The following ARID4B variants were observed in gnomAD, a reference collection of about 807,000 sequenced individuals.
ARID4B encodes the protein AT-rich interaction domain 4B.
In ARID4B, 26 loss-of-function variants were observed where a neutral mutation model predicts 147.5. The ratio of observed to expected loss-of-function variants is 0.18; its 90% confidence interval spans 0.13 to 0.24. The LOEUF (loss-of-function observed/expected upper bound fraction) is 0.24. Ranked by LOEUF, ARID4B falls within the 10% of genes least tolerant of loss-of-function variation. The pLI is 1.00. For missense variants in ARID4B, 1,179 were observed against 1,511.5 expected (o/e 0.78, Z 3.65); for synonymous variants, 512 against 507.9 (o/e 1.01, Z -0.11).
chr1:235,170,381 A>C (rs1040908227), intron 23 of ARID4B, among the ~76,000 whole-genome samples: 1 of 152,202 alleles, frequency 6.6e-6, no homozygotes, highest in Admixed American at 6.5e-5. Flanking sequence ...CAGGAATTTT[A>C]TCTCTAGAAT....
chr1:235,294,900 T>G (rs1440401251), intron 2 of ARID4B, among the ~76,000 whole-genome samples: 1 of 151,762 alleles, frequency 6.6e-6, no homozygotes, highest in Non-Finnish European at 1.5e-5. Flanking sequence ...CAGCACTCCT[T>G]AGAAACCAAA....
rs186886211 is a variant in ARID4B at position 235,178,402 on chromosome 1, A to G, written c.3335-489T>C. On this transcript the variant is annotated intron_variant, in intron 20 of 23. Transcript: ENST00000264183. ...AATTCATACTTGGTTCTTTTTTACC[A>G]ATTTATGTCAAGAATAACTAAGCTC... 7.0e-4 allele frequency among the ~76,000 whole-genome samples: 106 copies of G among 152,288 alleles called. No homozygotes were observed. In the South Asian group the frequency reaches 7.5e-3, roughly 11 times the overall value.
chr1:235,196,267 T>C (rs1665483343), intron 17 of ARID4B, 152 bp from the exon 18 acceptor site: 3 of 457,186 alleles, frequency 6.6e-6, no homozygotes, highest in Non-Finnish European at 1.1e-5. Flanking sequence ...AAGAGCAAGC[T>C]ACCAAGGCAC....
At chr1:235,236,705 G>GT (rs1335264818) in intron 8 of ARID4B, among the ~76,000 whole-genome samples, 1 of 149,650 alleles carries the variant, frequency 6.7e-6, no homozygotes, top group East Asian at 2.0e-4. Flanking sequence ...TAAAGATAGG[G>GT]TTTCACCATG....
intron 2 of ARID4B, among the ~76,000 whole-genome samples, chr1:235,288,513 T>C (rs1672128001): frequency 6.6e-6 from 1 of 152,242 alleles, no homozygotes; most frequent in Non-Finnish European, 1.5e-5. Context: ...TTTTCTTTCA[T>C]TCAAAAAATG....
intron 2 of ARID4B, among the ~76,000 whole-genome samples, chr1:235,293,770 C>T (rs192895418): frequency 6.6e-6 from 1 of 152,256 alleles, no homozygotes; most frequent in African/African-American, 2.4e-5. Flanking sequence ...TACTTAAGAG[C>T]TGATTCTAAC....
At chr1:235,190,797 A>G (rs76706507) in intron 19 of ARID4B, among the ~76,000 whole-genome samples, 5,937 of 152,244 alleles carry the variant, frequency 0.039, 431 homozygotes, top group African/African-American at 0.14. Context: ...TGCCAAAAAC[A>G]AAGAAATCCA....
At chr1:235,184,186 G>A (rs1664514289) in intron 19 of ARID4B, among the ~76,000 whole-genome samples, 1 of 152,106 alleles carries the variant, frequency 6.6e-6, no homozygotes, top group African/African-American at 2.4e-5. Flanking sequence ...GATAACTTAT[G>A]TAAAATTAAT....
chr1:235,268,182 C>A (rs1001874710), intron 2 of ARID4B, among the ~76,000 whole-genome samples: 1 of 151,862 alleles, frequency 6.6e-6, no homozygotes, highest in Non-Finnish European at 1.5e-5. Context: ...ATTACCCGGA[C>A]CAAATAAGTA....
intron 2 of ARID4B, among the ~76,000 whole-genome samples, chr1:235,301,534 C>CTTT (rs567369149): frequency 6.0e-5 from 6 of 99,812 alleles, no homozygotes; most frequent in Non-Finnish European, 9.7e-5. Flanking sequence ...GACCCTATTT[C>CTTT]TTTTTTTTTT....
intron 20 of ARID4B, chr1:235,180,137 C>CTTTTTTTTTTTTTTTTTTTTTTT (rs1166842959): frequency 2.0e-5 from 2 of 98,540 alleles, no homozygotes; most frequent in Non-Finnish European, 3.9e-5. Context: ...CTTGTTTTTT[C>CTTTTTTTTTTTTTTTTTTTTTTT]TTTTTTTTTT....
chr1:235,185,486 T>G (rs1177919243), intron 19 of ARID4B, among the ~76,000 whole-genome samples: 1 of 152,222 alleles, frequency 6.6e-6, no homozygotes. Flanking sequence ...GGTATCTCTC[T>G]GGGTCTGCTC....
chr1:235,206,690 TGATAAGGTAC>T (rs1666327307), intron 17 of ARID4B, among the ~76,000 whole-genome samples: 1 of 152,152 alleles, frequency 6.6e-6, no homozygotes, highest in East Asian at 1.9e-4. Flanking sequence ...GTAAAGCCAC[TGATAAGGTAC>T]GTAAGAGGGC....
intron 23 of ARID4B, among the ~76,000 whole-genome samples, chr1:235,168,931 A>G (rs1317201179): frequency 1.3e-5 from 2 of 152,212 alleles, no homozygotes. Context: ...CCTAGTCTAC[A>G]AGACACAGAA....
At chr1:235,277,493 C>A (rs1483853697) in intron 2 of ARID4B, among the ~76,000 whole-genome samples, 1 of 151,030 alleles carries the variant, frequency 6.6e-6, no homozygotes, top group Admixed American at 6.6e-5. Flanking sequence ...GAGCCGAGAT[C>A]CCGCCACTGC....
intron 7 of ARID4B, 95 bp from the exon 8 acceptor site, chr1:235,240,546 T>A: frequency 8.5e-7 from 1 of 1,170,246 alleles, no homozygotes; most frequent in Non-Finnish European, 1.2e-6. Flanking sequence ...CTTATTACAT[T>A]TCCTAAGACC....
chr1:235,276,599 C>A (rs540769525), intron 2 of ARID4B, among the ~76,000 whole-genome samples: 29 of 152,086 alleles, frequency 1.9e-4, no homozygotes, highest in African/African-American at 6.7e-4. Flanking sequence ...AAGTTCAAGG[C>A]TGTATTGAGC....
chr1:235,320,905 T>A (rs1336550834), intron 2 of ARID4B, among the ~76,000 whole-genome samples: 1 of 152,190 alleles, frequency 6.6e-6, no homozygotes, highest in African/African-American at 2.4e-5. Context: ...TATCACCTAA[T>A]CTAAAGTAAC....
At chr1:235,270,801 ATCT>A (rs1238510008) in intron 2 of ARID4B, among the ~76,000 whole-genome samples, 6 of 152,176 alleles carry the variant, frequency 3.9e-5, no homozygotes, top group Non-Finnish European at 8.8e-5. Context: ...ATGCAAATGA[ATCT>A]TCTTTGGAGT....
Sources: gnomAD v4.1 joint callset for allele counts (sites outside exome capture counted in the v4.1 genomes callset) on GRCh38, gnomAD v4.1.1 for gene constraint, MANE v1.5 for transcripts, NCBI Gene and HGNC (gene_info 2026-07-23, HGNC 2026-07-21) for gene names.